NLGN1: variants seen among roughly 807,000 people sequenced by gnomAD.
NLGN1 encodes neuroligin 1.
A neutral mutation model predicts 65.5 loss-of-function variants in NLGN1; 12 were observed. The observed-to-expected ratio is 0.18, with a 90% CI of 0.12 to 0.30. The LOEUF is 0.30. Ranked by LOEUF, NLGN1 falls within the 10% of genes least tolerant of loss-of-function variation. The pLI is 1.00. For synonymous variants in NLGN1, 350 were observed against 359.5 expected (o/e 0.97, Z 0.30); for missense variants, 750 against 1,007.1 (o/e 0.74, Z 3.46).
In NLGN1 at chr3:173,442,439, T is replaced by C. The variant is rs547918419; in HGVS notation, c.-321+7361T>C. On this transcript the variant is annotated intron_variant, in intron 2 of 6. Coordinates refer to ENST00000457714, the Ensembl canonical transcript of NLGN1. The stretch of plus-strand genomic sequence containing the variant: ...TAAAGCAGATCACATTGTTCCTGAA[T>C]CCAGCCAAAAATAATGTGTAACATT... 4.6e-5 allele frequency among the ~76,000 whole-genome samples: 7 copies of C among 152,286 alleles called. No individual in the cohort carries two copies. In the East Asian group the frequency reaches 1.3e-3, roughly 29 times the overall value.
Position 174,095,234 on chromosome 3 carries a change from A to G in NLGN1, c.647-180081A>G, listed in dbSNP as rs535237507. The stretch of plus-strand genomic sequence containing the variant: ...AAATTTTAAAAACTAAAAAAAAAAA[A>G]AACCATAAAGTTGCTTTATGAAAAA... On this transcript the variant is annotated intron_variant, in intron 4 of 6. Transcript: ENST00000457714. 2.0e-5 allele frequency among the ~76,000 whole-genome samples: 3 copies of G among 150,712 alleles called. No individual in the cohort carries two copies. In the South Asian group the frequency reaches 6.3e-4, roughly 31 times the overall value.
chr3:173,998,250 G>A (rs1722649734), intron 4 of NLGN1, among the ~76,000 whole-genome samples: 1 of 152,094 alleles, frequency 6.6e-6, no homozygotes, highest in Non-Finnish European at 1.5e-5. Flanking sequence ...TGTTTCGTTG[G>A]CCAGGTTCCC....
At chr3:173,929,502 G>A (rs1027856399) in intron 4 of NLGN1, among the ~76,000 whole-genome samples, 2 of 151,168 alleles carry the variant, frequency 1.3e-5, no homozygotes, top group African/African-American at 4.9e-5. Context: ...ACCTTTTGCT[G>A]AGTGGATAGG....
chr3:173,894,445 T>C (rs1385852354), intron 4 of NLGN1, among the ~76,000 whole-genome samples: 3 of 152,166 alleles, frequency 2.0e-5, no homozygotes, highest in Non-Finnish European at 2.9e-5. Context: ...TTCTAAGTCA[T>C]TCATTCTCCT....
intron 4 of NLGN1, among the ~76,000 whole-genome samples, chr3:173,943,895 T>C (rs1746631515): frequency 6.6e-6 from 1 of 152,124 alleles, no homozygotes; most frequent in African/African-American, 2.4e-5. Context: ...ATTTACAAAG[T>C]AGTAAAACAG....
At chr3:173,539,160 T>G (rs1249140231) in intron 2 of NLGN1, among the ~76,000 whole-genome samples, 1 of 151,354 alleles carries the variant, frequency 6.6e-6, no homozygotes, top group South Asian at 2.1e-4. Flanking sequence ...TTGTCCACTT[T>G]CGGGTGGTGC....
intron 3 of NLGN1, among the ~76,000 whole-genome samples, chr3:173,681,900 T>C (rs560507338): frequency 6.6e-6 from 1 of 152,366 alleles, no homozygotes; most frequent in African/African-American, 2.4e-5. Context: ...TTAACTACCC[T>C]AGTCAACCTC....
intron 3 of NLGN1, among the ~76,000 whole-genome samples, chr3:173,746,957 G>A (rs1256501132): frequency 6.6e-6 from 1 of 151,728 alleles, no homozygotes; most frequent in Admixed American, 6.6e-5. Context: ...TACTAGGGAG[G>A]CTGAGGCAGG....
chr3:173,882,433 A>G (rs1364515447), intron 4 of NLGN1, among the ~76,000 whole-genome samples: 2 of 152,228 alleles, frequency 1.3e-5, no homozygotes, highest in Non-Finnish European at 2.9e-5. Context: ...GGACTCTTTC[A>G]TATACACTGA....
chr3:173,925,767 A>G (rs933867770), intron 4 of NLGN1, among the ~76,000 whole-genome samples: 1 of 152,180 alleles, frequency 6.6e-6, no homozygotes, highest in Non-Finnish European at 1.5e-5. Flanking sequence ...TTAAAAGTAG[A>G]CCAGAGATAA....
intron 4 of NLGN1, among the ~76,000 whole-genome samples, chr3:174,253,949 C>T (rs551335803): frequency 4.6e-5 from 7 of 152,334 alleles, no homozygotes; most frequent in African/African-American, 1.7e-4. Flanking sequence ...CAGACAGTAC[C>T]TCCAGAGGAT....
intron 4 of NLGN1, among the ~76,000 whole-genome samples, chr3:174,047,636 C>T (rs911647665): frequency 2.0e-5 from 3 of 151,818 alleles, no homozygotes; most frequent in African/African-American, 7.2e-5. Context: ...CACACACATC[C>T]TACATACAGA....
chr3:173,969,065 A>T (rs765296005), intron 4 of NLGN1, among the ~76,000 whole-genome samples: 1 of 57,648 alleles, frequency 1.7e-5, no homozygotes, highest in East Asian at 5.3e-4. Flanking sequence ...AAGAAGATTT[A>T]AAAAAAAAAA....
At chr3:174,036,923 G>A (rs977132535) in intron 4 of NLGN1, among the ~76,000 whole-genome samples, 18 of 152,224 alleles carry the variant, frequency 1.2e-4, no homozygotes, top group Middle Eastern at 3.4e-3. Context: ...TCCTGCAAAG[G>A]ACATGATGAC....
rs549840584 is a variant in NLGN1 at position 173,969,727 on chromosome 3, A to G, written c.646+161895A>G. On this transcript the variant is annotated intron_variant, in intron 4 of 6. Coordinates refer to ENST00000457714, the Ensembl canonical transcript of NLGN1. ...TATTCTTTAAATCTAATATAAGTCT[A>G]TGGCAGAACTTACATTTATTATGAA... 3.3e-5 allele frequency among the ~76,000 whole-genome samples: 5 copies of G among 152,238 alleles called. No homozygotes were observed. In the East Asian group the frequency reaches 5.8e-4, roughly 18 times the overall value.
chr3:173,670,196 G>A (rs995534303), intron 3 of NLGN1, among the ~76,000 whole-genome samples: 1 of 151,440 alleles, frequency 6.6e-6, no homozygotes, highest in Admixed American at 6.6e-5. Flanking sequence ...GTGCCTTGTT[G>A]TGATTATTAA....
intron 4 of NLGN1, among the ~76,000 whole-genome samples, chr3:173,969,747 T>G (rs1211801605): frequency 6.6e-6 from 1 of 152,144 alleles, no homozygotes; most frequent in African/African-American, 2.4e-5. Flanking sequence ...TTACATTTAT[T>G]ATGAAAATCT....
At chr3:173,435,368 A>G (rs1717926729) in intron 2 of NLGN1, among the ~76,000 whole-genome samples, 1 of 152,022 alleles carries the variant, frequency 6.6e-6, no homozygotes, top group Non-Finnish European at 1.5e-5. Context: ...ATTTTTGAAA[A>G]TTTCTTTCCC....
At chr3:174,100,483 C>T (rs16833289) in intron 4 of NLGN1, among the ~76,000 whole-genome samples, 13,454 of 151,960 alleles carry the variant, frequency 0.089, 931 homozygotes, top group East Asian at 0.35. Flanking sequence ...AAGGCATTTG[C>T]CTAAAGTTAA....
Sources: allele counts gnomAD v4.1 joint callset (sites outside exome capture counted in the v4.1 genomes callset), GRCh38; gene constraint gnomAD v4.1.1; transcripts MANE v1.5; gene names NCBI Gene and HGNC (gene_info 2026-07-23, HGNC 2026-07-21).